The following PPFIBP1 variants were observed in gnomAD, a reference collection of about 807,000 sequenced individuals.
PPFIBP1 encodes liprin-beta-1.
In PPFIBP1, 112 loss-of-function variants were observed where a neutral mutation model predicts 137.8. The observed-to-expected ratio is 0.81, with a 90% CI of 0.70 to 0.95. The LOEUF is 0.95. Ranked by LOEUF, PPFIBP1 falls within the 40% of genes least tolerant of loss-of-function variation. The pLI is 0.00. For missense variants in PPFIBP1, 1,083 were observed against 1,196.6 expected (o/e 0.91, Z 1.40); for synonymous variants, 378 against 417.3 (o/e 0.91, Z 1.15).
chr12:27,672,081 A>G lies in PPFIBP1; in HGVS notation c.1263-346A>G, dbSNP rs147202813. Among the ~76,000 whole-genome samples, 48 of 152,292 alleles carry G rather than the reference A, an allele frequency of 3.2e-4. 1 individual carries two copies. In the East Asian group the frequency reaches 8.9e-3, roughly 28 times the overall value. ...GCGAGACTCTGTCTCAAAAAGAAAA[A>G]AAAAAAAGTTTAGGGAACTTGGATT... On this transcript the variant is annotated intron_variant, in intron 14 of 29. Transcript: ENST00000228425.
At chr12:27,617,285 A>C (rs529381397) in intron 2 of PPFIBP1, among the ~76,000 whole-genome samples, 1 of 152,282 alleles carries the variant, frequency 6.6e-6, no homozygotes, top group South Asian at 2.1e-4. Flanking sequence ...TCGAGGTGCC[A>C]CTTAAAAATA....
intron 21 of PPFIBP1, 49 bp downstream of exon 21, chr12:27,680,110 G>T: frequency 6.2e-7 from 1 of 1,605,202 alleles, no homozygotes; most frequent in Non-Finnish European, 8.5e-7. Flanking sequence ...AAGCATCATA[G>T]CCTCATGAGT....
At chr12:27,667,119 T>C in intron 12 of PPFIBP1, 47 bp from the exon 13 acceptor site, 2 of 1,451,580 alleles carry the variant, frequency 1.4e-6, no homozygotes, top group Non-Finnish European at 1.8e-6. Flanking sequence ...AAGTGAAATA[T>C]AAATCAAAAG....
At chr12:27,532,105 CAG>C (rs1429293124) in intron 1 of PPFIBP1, among the ~76,000 whole-genome samples, 1 of 152,188 alleles carries the variant, frequency 6.6e-6, no homozygotes, top group Non-Finnish European at 1.5e-5. Context: ...GCTTTGATGA[CAG>C]ATATTGTTGT....
rs377099740 is a variant in PPFIBP1 at position 27,563,708 on chromosome 12, C to G, written c.-123-14444C>G. On this transcript the variant is annotated intron_variant, in intron 1 of 29. Transcript: ENST00000228425. ...TCATGGATCCTGGTGGCACTACTCC[C>G]TCCTTAGTGTCTTTCCCCAGGCTGT... 3.3e-5 allele frequency among the ~76,000 whole-genome samples: 5 copies of G among 152,200 alleles called. No individual in the cohort carries two copies. In the South Asian group the frequency reaches 1.0e-3, roughly 32 times the overall value.
chr12:27,656,831 G>C lies in PPFIBP1; in HGVS notation c.811+101G>C. On this transcript the variant is annotated intron_variant, in intron 9 of 29. Transcript: ENST00000228425. ...ATCAATGTGTAGTTTTAGCATCAAA[G>C]AAAGAGCAGCAGAATCCAGCCAGGA... 4 of 794,872 alleles carry C rather than the reference G, an allele frequency of 5.0e-6. No homozygotes were observed. The South Asian group carries it at 6.5e-5, about 13-fold the overall frequency. The allele number at this position is 794,872 out of a possible 1,614,324, so 49.2% of individuals were successfully genotyped here.
chr12:27,676,858 C>T, intron 18 of PPFIBP1: 1 of 758,374 alleles, frequency 1.3e-6, no homozygotes, highest in Non-Finnish European at 2.3e-6. Flanking sequence ...TTGACTTCAT[C>T]ATGGAGTTTC....
intron 6 of PPFIBP1, among the ~76,000 whole-genome samples, chr12:27,649,341 G>GT (rs2058733491): frequency 6.6e-6 from 1 of 152,108 alleles, no homozygotes. Flanking sequence ...TACCTGATAA[G>GT]TTTTTTGTGA....
chr12:27,661,019 A>T, intron 11 of PPFIBP1, 74 bp downstream of exon 11: 1 of 1,575,278 alleles, frequency 6.3e-7, no homozygotes. Context: ...CAATTTCATG[A>T]GCTATGCCAT....
At chr12:27,563,117 C>T (rs1434105276) in intron 1 of PPFIBP1, among the ~76,000 whole-genome samples, 11 of 149,826 alleles carry the variant, frequency 7.3e-5, no homozygotes, top group Non-Finnish European at 1.6e-4. Context: ...CTAGGTGGGC[C>T]GTATGTAAAT....
intron 1 of PPFIBP1, among the ~76,000 whole-genome samples, chr12:27,557,439 G>A (rs1326697113): frequency 6.6e-6 from 1 of 152,028 alleles, no homozygotes; most frequent in African/African-American, 2.4e-5. Context: ...GTTTCACCAT[G>A]TTAGCCAGGA....
intron 1 of PPFIBP1, among the ~76,000 whole-genome samples, chr12:27,545,015 A>G (rs1946081407): frequency 1.3e-5 from 2 of 152,278 alleles, no homozygotes; most frequent in Admixed American, 1.3e-4. Flanking sequence ...CTAGATAAAG[A>G]AAATGTGGCA....
chr12:27,694,114 CT>C lies in PPFIBP1; in HGVS notation c.*1233del, dbSNP rs2061678166. 2 of 152,322 alleles carry C rather than the reference CT, an allele frequency of 1.3e-5. No individual in the cohort carries two copies. The highest frequency in any genetic ancestry group is 1.5e-5 in the Non-Finnish European group (1 of 68,064). 9.4% of individuals were successfully genotyped at this position (152,322 alleles called of 1,614,324 possible). A position where few individuals can be genotyped will look rare whatever the true frequency, so the allele number is the denominator to read the frequency against. ...CAGTGATCCTCTCACCTCAGCTTCC[CT>C]AATAGCTAGGATTACAGGTGTGTGG... On this transcript the variant is annotated 3_prime_UTR_variant, in exon 30 of 30. Coordinates refer to ENST00000228425, the MANE Select transcript of PPFIBP1 (RefSeq NM_003622.4).
rs1565975192 is a variant in PPFIBP1, at chr12:27,667,223, A to G, written c.1049A>G (p.Asp350Gly). ...TCCAGTTCCATCTCCTCTTTGCTGG[A>G]TGCACAGGGTTTCAGTGATCTGGAG... ...LNSSSISSLL[D>G]AQGFSDLEKS... The change falls in exon 13 of 30, where the codon GAT becomes GGT. Residue 350 changes from aspartate to glycine, a missense_variant. Physicochemically the swap from Asp to Gly is moderately conservative, Grantham distance 94. Coordinates refer to ENST00000228425, the MANE Select transcript of PPFIBP1 (RefSeq NM_003622.4). 1.2e-6 allele frequency: 2 copies of G among 1,613,688 alleles called. No individual in the cohort carries two copies. The highest frequency in any genetic ancestry group is 2.2e-5 in the East Asian group (1 of 44,862).
At chr12:27,561,336 AT>A (rs1436529577) in intron 1 of PPFIBP1, among the ~76,000 whole-genome samples, 3 of 152,268 alleles carry the variant, frequency 2.0e-5, no homozygotes, top group Admixed American at 1.3e-4. Context: ...TAAGAGGAAA[AT>A]TATGGCAGCC....
At chr12:27,540,405 C>G (rs752394738) in intron 1 of PPFIBP1, among the ~76,000 whole-genome samples, 1 of 149,284 alleles carries the variant, frequency 6.7e-6, no homozygotes, top group African/African-American at 2.5e-5. Context: ...AGGCAAACAC[C>G]AAAAGTCTTA....
chr12:27,626,139 G>T (rs1188613464), intron 2 of PPFIBP1, among the ~76,000 whole-genome samples: 3 of 152,126 alleles, frequency 2.0e-5, no homozygotes, highest in Non-Finnish European at 4.4e-5. Context: ...GGTGAGAAGG[G>T]CTAATAGATT....
chr12:27,630,258 T>G (rs988958866), intron 2 of PPFIBP1, among the ~76,000 whole-genome samples: 2 of 151,964 alleles, frequency 1.3e-5, no homozygotes, highest in Non-Finnish European at 2.9e-5. Flanking sequence ...ATAAGTGGAT[T>G]AAATTTGTCT....
At chr12:27,634,328 G>A (rs142505764) in intron 3 of PPFIBP1, among the ~76,000 whole-genome samples, 13 of 152,076 alleles carry the variant, frequency 8.5e-5, no homozygotes, top group East Asian at 1.9e-4. Flanking sequence ...CACTTAGCTC[G>A]TTCGCATGTG....
Sources: allele counts gnomAD v4.1 joint callset (sites outside exome capture counted in the v4.1 genomes callset), GRCh38; gene constraint gnomAD v4.1.1; transcripts MANE v1.5; gene names NCBI Gene and HGNC (gene_info 2026-07-23, HGNC 2026-07-21).